The following RPAP2 variants were observed in gnomAD, a reference collection of about 807,000 sequenced individuals.
RPAP2 encodes the protein putative RNA polymerase II subunit B1 CTD phosphatase RPAP2.
A neutral mutation model predicts 73.1 loss-of-function variants in RPAP2; 52 were observed. That is an observed-to-expected ratio of 0.71 (90% CI 0.57 to 0.90). RPAP2 has a LOEUF of 0.90. RPAP2 is among the 40% of genes least tolerant of loss of function. The probability of loss-of-function intolerance (pLI) is 0.00; values close to 1 mark genes in which losing one functional copy is unlikely to be tolerated. For missense variants in RPAP2, 598 were observed against 701.8 expected (o/e 0.85, Z 1.67); for synonymous variants, 225 against 242.1 (o/e 0.93, Z 0.65).
chr1:92,350,981 G>A (rs1654173261), intron 11 of RPAP2, among the ~76,000 whole-genome samples: 1 of 151,816 alleles, frequency 6.6e-6, no homozygotes, highest in Admixed American at 6.6e-5. Context: ...ATACTCTACT[G>A]TGTAAAGCTT....
intron 11 of RPAP2, among the ~76,000 whole-genome samples, chr1:92,374,496 T>TC (rs1189362332): frequency 5.3e-5 from 8 of 152,138 alleles, no homozygotes; most frequent in Non-Finnish European, 1.0e-4. Flanking sequence ...ATCTCCAAGC[T>TC]CAGTGCTTGG....
At position 92,399,209 on chromosome 1, in the gene RPAP2, G is replaced by A. The variant is rs1289766609; in HGVS notation, c.*12198G>A. Reference sequence around the variant, plus strand: ...CCTCTGCAGTCATAACCAAAGTGAAGGACAATATTGCATGACTTCAGAAGA... The same window carrying A: ...CCTCTGCAGTCATAACCAAAGTGAAAGACAATATTGCATGACTTCAGAAGA... On this transcript the variant is annotated 3_prime_UTR_variant, in exon 13 of 13. Coordinates refer to ENST00000610020, the MANE Select transcript of RPAP2 (RefSeq NM_024813.3). The A allele has an allele frequency of 6.6e-6, 1 of 152,208 alleles. No individual in the cohort carries two copies. Among genetic ancestry groups the A allele is most frequent in the Non-Finnish European group, 1.5e-5 (1 of 68,070 alleles). 9.4% of individuals were successfully genotyped at this position (152,208 alleles called of 1,614,324 possible).
chr1:92,349,055 C>T (rs1654064340), intron 11 of RPAP2, among the ~76,000 whole-genome samples: 1 of 152,206 alleles, frequency 6.6e-6, no homozygotes, highest in Non-Finnish European at 1.5e-5. Context: ...TTGCCACTAA[C>T]ATTGACTGTA....
At chr1:92,312,418 C>CAAAAAAAA (rs55719262) in intron 6 of RPAP2, among the ~76,000 whole-genome samples, 1 of 146,742 alleles carries the variant, frequency 6.8e-6, no homozygotes, top group African/African-American at 2.5e-5. Flanking sequence ...GACCGTGTCT[C>CAAAAAAAA]AAAAAAAAAA....
Position 92,323,602 on chromosome 1 carries a change from C to T in RPAP2, c.682C>T (p.Leu228=), listed in dbSNP as rs1481675839. The change falls in exon 8 of 13, where the codon CTA becomes TTA. Residue 228 remains leucine (L), a synonymous_variant. Transcript: ENST00000610020. ...TGAGCAAGACTTTGTTTCCTCCATTCTACCAGGAAACAGACCAAATTCAAC... is the reference window on the plus strand; with the variant it reads ...TGAGCAAGACTTTGTTTCCTCCATTTTACCAGGAAACAGACCAAATTCAAC... ...DNEQDFVSSI[L]PGNRPNSTNI... 1.2e-6 allele frequency: 2 copies of T among 1,614,024 alleles called. No individual in the cohort carries two copies. Among genetic ancestry groups the T allele is most frequent in the African/African-American group, 2.7e-5 (2 of 75,024 alleles).
intron 4 of RPAP2, 27 bp downstream of exon 4, chr1:92,304,102 T>C (rs1383912563): frequency 2.0e-6 from 3 of 1,482,788 alleles, no homozygotes; most frequent in East Asian, 2.3e-5. Flanking sequence ...TTTTAAAATA[T>C]AGGCTTTTAT....
intron 7 of RPAP2, among the ~76,000 whole-genome samples, chr1:92,322,280 T>C (rs1652323056): frequency 6.6e-6 from 1 of 150,410 alleles, no homozygotes; most frequent in South Asian, 2.2e-4. Context: ...TTTAAAAAGG[T>C]CAGCCAGTAA....
chr1:92,372,391 T>C (rs1299812294), intron 11 of RPAP2, among the ~76,000 whole-genome samples: 1 of 152,180 alleles, frequency 6.6e-6, no homozygotes, highest in Non-Finnish European at 1.5e-5. Context: ...GCACTATTCA[T>C]GCTTAGCCAG....
chr1:92,350,151 A>C (rs1167579667), intron 11 of RPAP2, among the ~76,000 whole-genome samples: 4 of 152,152 alleles, frequency 2.6e-5, no homozygotes, highest in Admixed American at 6.5e-5. Context: ...TGCAACATTT[A>C]TTGATATTTA....
chr1:92,300,049 T>C (rs1010840951), intron 1 of RPAP2, 145 bp from the exon 2 acceptor site: 2 of 608,526 alleles, frequency 3.3e-6, no homozygotes, highest in African/African-American at 3.7e-5. Flanking sequence ...GTTACTGTAC[T>C]AAGTACTGTA....
chr1:92,299,456 A>G lies in RPAP2; in HGVS notation c.73+310A>G, dbSNP rs1571005499. ...TCCCCGGGTTTCGGGGCAAGTGACTAGGGCAGCGTTGGCAGCTGGCCTTGA... is the reference window on the plus strand; with the variant it reads ...TCCCCGGGTTTCGGGGCAAGTGACTGGGGCAGCGTTGGCAGCTGGCCTTGA... On this transcript the variant is annotated intron_variant, in intron 1 of 12. Coordinates refer to ENST00000610020, the MANE Select transcript of RPAP2 (RefSeq NM_024813.3). Among the ~76,000 whole-genome samples the G allele has an allele frequency of 2.0e-5, 3 of 152,198 alleles. No individual in the cohort carries two copies. In the East Asian group the frequency reaches 5.8e-4, roughly 30 times the overall value.
At chr1:92,326,944 C>T (rs1652668261) in intron 8 of RPAP2, among the ~76,000 whole-genome samples, 1 of 152,230 alleles carries the variant, frequency 6.6e-6, no homozygotes, top group Non-Finnish European at 1.5e-5. Flanking sequence ...ACCAGATTCA[C>T]ACCCTCCCTT....
At chr1:92,354,138 A>G (rs1654346246) in intron 11 of RPAP2, among the ~76,000 whole-genome samples, 1 of 152,066 alleles carries the variant, frequency 6.6e-6, no homozygotes, top group Admixed American at 6.6e-5. Flanking sequence ...CACAGCCTTG[A>G]TTTTAGGAGC....
intron 3 of RPAP2, among the ~76,000 whole-genome samples, chr1:92,302,926 C>A (rs1334813617): frequency 6.6e-6 from 1 of 151,664 alleles, no homozygotes; most frequent in African/African-American, 2.4e-5. Context: ...TGGCCAGGCA[C>A]GATGGCTCAT....
rs577795023 is a variant in RPAP2, at chr1:92,301,340, T to C, written c.120-136T>C. 1.4e-5 allele frequency: 5 copies of C among 364,784 alleles called. No homozygotes were observed. In the East Asian group the frequency reaches 2.5e-4, roughly 18 times the overall value. The allele number at this position is 364,784 out of a possible 1,614,324, so 22.6% of individuals were successfully genotyped here. A position where few individuals can be genotyped will look rare whatever the true frequency, so the allele number is the denominator to read the frequency against. On this transcript the variant is annotated intron_variant, in intron 2 of 12. Coordinates refer to ENST00000610020, the MANE Select transcript of RPAP2 (RefSeq NM_024813.3). ...CTCTACAATTAAAAAGAAATAAATATTTTTATTCAAAAAATTTTTTAAATA... is the reference window on the plus strand; with the variant it reads ...CTCTACAATTAAAAAGAAATAAATACTTTTATTCAAAAAATTTTTTAAATA...
chr1:92,312,146 T>TA (rs1459008126), intron 6 of RPAP2, among the ~76,000 whole-genome samples: 2 of 152,158 alleles, frequency 1.3e-5, no homozygotes, highest in African/African-American at 4.8e-5. Flanking sequence ...AGCAGTGACT[T>TA]ATGCCTGTAA....
At position 92,392,197 on chromosome 1, in the gene RPAP2, GCTT is replaced by G. The variant is rs1248901220; in HGVS notation, c.*5191_*5193del. On this transcript the variant is annotated 3_prime_UTR_variant, in exon 13 of 13. Transcript: ENST00000610020. ...AAGCTTATCCACCACGATCAAGTCA[GCTT>G]CTTCCCTGGGATGCAAGGCTGGTTC... The G allele has an allele frequency of 2.6e-5, 4 of 152,208 alleles. No homozygotes were observed. Among genetic ancestry groups the G allele is most frequent in the Non-Finnish European group, 4.4e-5 (3 of 68,044 alleles). The allele number at this position is 152,208 out of a possible 1,614,324, so 9.4% of individuals were successfully genotyped here.
At chr1:92,345,055 T>C (rs1159189782) in intron 10 of RPAP2, among the ~76,000 whole-genome samples, 1 of 152,156 alleles carries the variant, frequency 6.6e-6, no homozygotes, top group Non-Finnish European at 1.5e-5. Flanking sequence ...TTTTAAAAAC[T>C]GAACTTTTCT....
At chr1:92,317,275 G>C (rs891216737) in intron 6 of RPAP2, among the ~76,000 whole-genome samples, 43 of 152,114 alleles carry the variant, frequency 2.8e-4, no homozygotes. Flanking sequence ...TTGGGAGGCC[G>C]AGGCGGGTGA....
Sources: gnomAD v4.1 joint callset for allele counts (sites outside exome capture counted in the v4.1 genomes callset) on GRCh38, gnomAD v4.1.1 for gene constraint, MANE v1.5 for transcripts, NCBI Gene and HGNC (gene_info 2026-07-23, HGNC 2026-07-21) for gene names.